Variants in CASD1 observed in about 807,000 individuals in gnomAD.
The protein encoded by CASD1 is CAS1 domain sialic acid O acetyltransferase 1, also known as N-acetylneuraminate (7)9-O-acetyltransferase.
CASD1 carries 41 observed loss-of-function variants against 100.0 expected under a neutral mutation model. The observed-to-expected ratio is 0.41, with a 90% CI of 0.32 to 0.53. CASD1 has a LOEUF of 0.53. CASD1 is among the 20% of genes least tolerant of loss of function. The pLI is 0.25. For missense variants in CASD1, 774 were observed against 948.7 expected (o/e 0.82, Z 2.42); for synonymous variants, 321 against 315.6 (o/e 1.02, Z -0.18).
At chr7:94,543,158 C>G (rs767288934) in intron 10 of CASD1, among the ~76,000 whole-genome samples, 3 of 152,142 alleles carry the variant, frequency 2.0e-5, no homozygotes, top group Admixed American at 6.5e-5. Flanking sequence ...GATAGGGAAT[C>G]TGTAAGTTTG....
At chr7:94,588,288 A>G in the CASD1 span, 2 of 1,060,344 alleles carry the variant, frequency 1.9e-6, no homozygotes, top group East Asian at 1.5e-4. Context: ...AGCCTCAGTG[A>G]TTAGTCACAA....
intron 4 of CASD1, 133 bp downstream of exon 4, chr7:94,527,339 G>A (rs927790805): frequency 4.6e-6 from 3 of 649,342 alleles, no homozygotes; most frequent in Non-Finnish European, 7.8e-6. Flanking sequence ...ATAAAAGTTT[G>A]TGTGAGTTAT....
Position 94,549,021 on chromosome 7 carries a change from T to G in CASD1, c.1714-512T>G, listed in dbSNP as rs145205864. ...GAGTAAGGTGACTAATTCAGAGGAC[T>G]CTTTTAACTCAAATAGTTAATTGTA... On this transcript the variant is annotated intron_variant, in intron 13 of 17. Transcript: ENST00000297273. 3.4e-4 allele frequency among the ~76,000 whole-genome samples: 52 copies of G among 152,112 alleles called. No individual in the cohort carries two copies. In the East Asian group the frequency reaches 7.0e-3, roughly 20 times the overall value.
the CASD1 span, among the ~76,000 whole-genome samples, chr7:94,593,801 C>G: frequency 6.6e-6 from 1 of 152,088 alleles, no homozygotes; most frequent in Non-Finnish European, 1.5e-5. Flanking sequence ...AACTGTTCCC[C>G]TTTTAAAACT....
the CASD1 span, among the ~76,000 whole-genome samples, chr7:94,566,812 C>T: frequency 6.6e-6 from 1 of 152,116 alleles, no homozygotes; most frequent in Non-Finnish European, 1.5e-5. Flanking sequence ...TCTGGGCCCT[C>T]AATTGACCAT....
the CASD1 span, among the ~76,000 whole-genome samples, chr7:94,594,044 G>C: frequency 6.6e-6 from 1 of 152,014 alleles, no homozygotes; most frequent in Non-Finnish European, 1.5e-5. Flanking sequence ...CGTGGTTTGG[G>C]AACAAGGCTA....
At chr7:94,577,365 G>A in the CASD1 span, among the ~76,000 whole-genome samples, 2 of 152,270 alleles carry the variant, frequency 1.3e-5, no homozygotes, top group South Asian at 2.1e-4. Flanking sequence ...TCTTTGTCAT[G>A]TGTAGCCACT....
chr7:94,512,849 C>T (rs1312968090), intron 1 of CASD1, among the ~76,000 whole-genome samples: 5 of 152,078 alleles, frequency 3.3e-5, no homozygotes, highest in Admixed American at 3.3e-4. Flanking sequence ...GTATTATTTC[C>T]ATTTTAAATA....
the CASD1 span, chr7:94,618,287 C>T: frequency 6.3e-6 from 1 of 159,254 alleles, no homozygotes; most frequent in African/African-American, 2.4e-5. Context: ...GTGACAAGGT[C>T]AGGCTTTAGG....
downstream of CASD1, among the ~76,000 whole-genome samples, chr7:94,560,049 T>C (rs989469934): frequency 3.3e-5 from 5 of 152,214 alleles, no homozygotes; most frequent in African/African-American, 1.2e-4. Context: ...TTTGTCTTTC[T>C]CTTTTCTATC....
the CASD1 span, chr7:94,587,396 T>C: frequency 9.0e-7 from 1 of 1,116,692 alleles, no homozygotes; most frequent in South Asian, 4.1e-5. Flanking sequence ...TCCTACTCAC[T>C]CCATGCCTGA....
the CASD1 span, among the ~76,000 whole-genome samples, chr7:94,593,608 C>G: frequency 6.6e-6 from 1 of 151,944 alleles, no homozygotes; most frequent in Non-Finnish European, 1.5e-5. Context: ...TTTAGCTGTT[C>G]CAGGCACTGT....
At chr7:94,543,232 AAAT>A (rs1425634487) in intron 10 of CASD1, among the ~76,000 whole-genome samples, 1 of 152,192 alleles carries the variant, frequency 6.6e-6, no homozygotes. Flanking sequence ...TCCCCAGAAA[AAAT>A]ATCCGTCCAA....
At chr7:94,514,190 T>C (rs568934695) in intron 1 of CASD1, among the ~76,000 whole-genome samples, 1 of 152,156 alleles carries the variant, frequency 6.6e-6, no homozygotes, top group South Asian at 2.1e-4. Context: ...TGGAGAAAAA[T>C]AAGTTGAAAG....
the CASD1 span, among the ~76,000 whole-genome samples, chr7:94,609,744 T>G: frequency 6.6e-6 from 1 of 152,192 alleles, no homozygotes. Context: ...AACAGCAACT[T>G]TTATTCATTG....
chr7:94,592,399 G>A, the CASD1 span, among the ~76,000 whole-genome samples: 2 of 152,152 alleles, frequency 1.3e-5, no homozygotes, highest in Admixed American at 6.6e-5. Flanking sequence ...ACTTCAAATA[G>A]AGGCCCTATA....
intron 5 of CASD1, 26 bp from the exon 6 acceptor site, chr7:94,533,179 T>C: frequency 1.3e-6 from 2 of 1,576,660 alleles, no homozygotes; most frequent in Non-Finnish European, 1.7e-6. Context: ...ATTATAATAC[T>C]ATGATAAAGA....
At chr7:94,626,691 CT>C in the CASD1 span, 1 of 151,716 alleles carries the variant, frequency 6.6e-6, no homozygotes, top group Non-Finnish European at 1.5e-5. Context: ...CTTTTTCTTT[CT>C]TTACTGTACT....
At chr7:94,614,106 TCAAA>T in the CASD1 span, among the ~76,000 whole-genome samples, 10 of 55,140 alleles carry the variant, frequency 1.8e-4, no homozygotes, top group East Asian at 6.7e-4. Context: ...CAAATTGAAA[TCAAA>T]AAAAAAAAAA....
Sources: gnomAD v4.1 joint callset for allele counts (sites outside exome capture counted in the v4.1 genomes callset) on GRCh38, gnomAD v4.1.1 for gene constraint, MANE v1.5 for transcripts, NCBI Gene and HGNC (gene_info 2026-07-23, HGNC 2026-07-21) for gene names.